Variants in TNR observed in about 807,000 individuals in gnomAD.
TNR encodes the protein tenascin-R.
TNR carries 45 observed loss-of-function variants against 150.4 expected under a neutral mutation model. The observed-to-expected ratio is 0.30, with a 90% confidence interval of 0.24 to 0.38. TNR has a LOEUF of 0.38. Among genes scored for constraint, TNR ranks in the 10% least tolerant of loss-of-function variants. The pLI is 1.00. For missense variants in TNR, 1,544 were observed against 1,759.1 expected (o/e 0.88, Z 2.19); for synonymous variants, 687 against 678.4 (o/e 1.01, Z -0.20).
At chr1:175,678,818 T>G (rs80082189) in intron 1 of TNR, among the ~76,000 whole-genome samples, 2,713 of 152,334 alleles carry the variant, frequency 0.018, 45 homozygotes, top group Middle Eastern at 0.068. Context: ...CTGGGGCCTG[T>G]GGCCCTGCCC....
At chr1:175,655,800 A>G (rs904178985) in intron 1 of TNR, among the ~76,000 whole-genome samples, 1 of 152,212 alleles carries the variant, frequency 6.6e-6, no homozygotes, top group Middle Eastern at 3.2e-3. Context: ...TGAGGGAGAA[A>G]GGAACAGGGA....
intron 17 of TNR, among the ~76,000 whole-genome samples, chr1:175,354,772 T>C (rs145354727): frequency 3.5e-3 from 537 of 152,326 alleles, no homozygotes; most frequent in Non-Finnish European, 6.3e-3. Context: ...CATTATTGAA[T>C]CTAGAAGTCT....
intron 2 of TNR, among the ~76,000 whole-genome samples, chr1:175,521,061 G>C (rs1659617019): frequency 6.6e-6 from 1 of 152,158 alleles, no homozygotes; most frequent in Non-Finnish European, 1.5e-5. Context: ...TCATTTGTTA[G>C]TTTGTGTCCT....
At chr1:175,572,596 T>C (rs1020430011) in intron 1 of TNR, among the ~76,000 whole-genome samples, 1 of 151,930 alleles carries the variant, frequency 6.6e-6, no homozygotes, top group Non-Finnish European at 1.5e-5. Context: ...TGTGTTTAGT[T>C]CAAGTACAAA....
chr1:175,602,943 GTCT>G (rs1302033403), intron 1 of TNR, among the ~76,000 whole-genome samples: 2 of 151,788 alleles, frequency 1.3e-5, no homozygotes, highest in Non-Finnish European at 2.9e-5. Context: ...TTTTTTCTTT[GTCT>G]TCTTCTCCTT....
At position 175,356,441 on chromosome 1, in the gene TNR, A is replaced by C. The variant is rs766421633; in HGVS notation, c.2996T>G (p.Val999Gly). The part of the protein sequence containing the change: ...HFAVAGETIL[V>G]DGVSEEFRLV... ...CCGAAATTCCTCACTGACTCCGTCAACAAGGATGGTCTCTCCAGCGACTGA... is the reference window on the plus strand; with the variant it reads ...CCGAAATTCCTCACTGACTCCGTCACCAAGGATGGTCTCTCCAGCGACTGA... The change falls in exon 16 of 23, where the codon GTT (valine) becomes GGT (glycine). Residue 999 changes from valine (V) to glycine (G), a missense_variant. Physicochemically the swap from Val to Gly is moderately radical, Grantham distance 109 (BLOSUM62 -3). Coordinates refer to ENST00000367674, the MANE Select transcript of TNR (RefSeq NM_003285.3). The C allele has an allele frequency of 1.9e-6, 3 of 1,614,044 alleles. No homozygotes were observed. Among genetic ancestry groups the C allele is most frequent in the Admixed American group, 1.7e-5 (1 of 60,016 alleles).
chr1:175,479,447 A>T (rs1227963748), intron 2 of TNR, among the ~76,000 whole-genome samples: 1 of 151,714 alleles, frequency 6.6e-6, no homozygotes, highest in Non-Finnish European at 1.5e-5. Context: ...TCATGTGTGG[A>T]CTCTCCAAGT....
chr1:175,623,352 AT>A (rs1264811989), intron 1 of TNR, among the ~76,000 whole-genome samples: 2 of 152,234 alleles, frequency 1.3e-5, no homozygotes, highest in Non-Finnish European at 2.9e-5. Context: ...TGGATAATAA[AT>A]AAAAGACTCC....
intron 18 of TNR, among the ~76,000 whole-genome samples, chr1:175,343,888 C>T (rs1650644904): frequency 6.6e-6 from 1 of 152,178 alleles, no homozygotes; most frequent in Admixed American, 6.5e-5. Context: ...CACCTTCAAC[C>T]CATGGTGTTA....
At chr1:175,590,990 G>C (rs115511559) in intron 1 of TNR, among the ~76,000 whole-genome samples, 124 of 152,346 alleles carry the variant, frequency 8.1e-4, no homozygotes, top group African/African-American at 2.9e-3. Context: ...GGAGTGCAGG[G>C]ACAGACTGAG....
intron 1 of TNR, among the ~76,000 whole-genome samples, chr1:175,636,323 C>A (rs191944685): frequency 5.9e-5 from 9 of 152,130 alleles, no homozygotes; most frequent in Admixed American, 4.6e-4. Context: ...CACATATAAG[C>A]ACATTTAAGT....
intron 1 of TNR, among the ~76,000 whole-genome samples, chr1:175,697,523 C>T (rs1253097722): frequency 1.3e-5 from 2 of 152,150 alleles, no homozygotes; most frequent in Admixed American, 6.5e-5. Flanking sequence ...TGGGAAGTCC[C>T]CGCCCAGCCC....
At chr1:175,446,933 ATG>A (rs1302815809) in intron 2 of TNR, among the ~76,000 whole-genome samples, 2 of 152,068 alleles carry the variant, frequency 1.3e-5, no homozygotes, top group East Asian at 3.9e-4. Flanking sequence ...TGTTGTATGC[ATG>A]TGTGTTATAT....
At chr1:175,515,635 G>A (rs745359910) in intron 2 of TNR, among the ~76,000 whole-genome samples, 6 of 152,208 alleles carry the variant, frequency 3.9e-5, no homozygotes, top group Non-Finnish European at 7.3e-5. Context: ...GTCCTGAATT[G>A]TTGTGCATTC....
chr1:175,637,872 C>T (rs1230600661), intron 1 of TNR, among the ~76,000 whole-genome samples: 1 of 152,182 alleles, frequency 6.6e-6, no homozygotes, highest in Non-Finnish European at 1.5e-5. Context: ...TCATGATCAC[C>T]ATCAGTCACT....
At chr1:175,494,792 G>A (rs1012071128) in intron 2 of TNR, among the ~76,000 whole-genome samples, 4 of 152,186 alleles carry the variant, frequency 2.6e-5, no homozygotes, top group African/African-American at 9.7e-5. Flanking sequence ...TCTGGACAAT[G>A]CCTCAATGAT....
chr1:175,439,884 T>G (rs1233899432), intron 2 of TNR, among the ~76,000 whole-genome samples: 3 of 152,056 alleles, frequency 2.0e-5, no homozygotes, highest in East Asian at 1.9e-4. Flanking sequence ...AACAGGTGCT[T>G]GAGAGGATGT....
At chr1:175,397,363 C>A (rs1653483591) in intron 4 of TNR, among the ~76,000 whole-genome samples, 1 of 152,160 alleles carries the variant, frequency 6.6e-6, no homozygotes, top group African/African-American at 2.4e-5. Flanking sequence ...ATCATGGAAA[C>A]TGGCAAATGC....
rs555554583 is a variant in TNR at position 175,417,964 on chromosome 1, T to C, written c.-63-11187A>G. Among the ~76,000 whole-genome samples the C allele has an allele frequency of 1.7e-3, 253 of 152,340 alleles. 3 individuals are homozygous for C. The highest frequency in any genetic ancestry group is 6.9e-3 in the Admixed American group (105 of 15,302). ...GGTCTAAATGAGTTATTTACTTCAT[T>C]GTGTACATTATGTCTTTTAGAGCAT... On this transcript the variant is annotated intron_variant, in intron 2 of 22. Transcript: ENST00000367674.
Sources: gnomAD v4.1 joint callset for allele counts (sites outside exome capture counted in the v4.1 genomes callset) on GRCh38, gnomAD v4.1.1 for gene constraint, MANE v1.5 for transcripts, NCBI Gene and HGNC (gene_info 2026-07-23, HGNC 2026-07-21) for gene names.